AOPEP: variants seen among roughly 807,000 people sequenced by gnomAD.
AOPEP encodes aminopeptidase O (putative), also known as aminopeptidase O.
Under a neutral mutation model 98.1 loss-of-function variants are expected in AOPEP, and 77 were observed. The observed-to-expected ratio is 0.78, with a 90% CI of 0.65 to 0.95. The LOEUF (loss-of-function observed/expected upper bound fraction) is 0.95. Among genes scored for constraint, AOPEP ranks in the 40% least tolerant of loss-of-function variants. The probability of loss-of-function intolerance (pLI) is 0.00; values close to 1 mark genes in which losing one functional copy is unlikely to be tolerated. For synonymous variants in AOPEP, 346 were observed against 365.3 expected (o/e 0.95, Z 0.60); for missense variants, 1,024 against 1,024.7 (o/e 1.00, Z 0.01).
chr9:94,861,654 C>A (rs1052316391), intron 5 of AOPEP, among the ~76,000 whole-genome samples: 2 of 152,168 alleles, frequency 1.3e-5, no homozygotes, highest in African/African-American at 4.8e-5. Context: ...GAAAAAGAGT[C>A]ATTTGGTTTC....
intron 9 of AOPEP, among the ~76,000 whole-genome samples, chr9:94,958,938 GA>G: frequency 6.6e-6 from 1 of 151,426 alleles, no homozygotes; most frequent in East Asian, 1.9e-4. Context: ...TCATAACTAA[GA>G]AACTGTTGCT....
At chr9:94,776,132 C>T (rs893394212) in intron 3 of AOPEP, among the ~76,000 whole-genome samples, 1 of 152,016 alleles carries the variant, frequency 6.6e-6, no homozygotes, top group Non-Finnish European at 1.5e-5. Flanking sequence ...TAACACTTCC[C>T]CAGGCAACCA....
At chr9:94,777,427 A>T (rs1296546206) in intron 3 of AOPEP, among the ~76,000 whole-genome samples, 1 of 149,284 alleles carries the variant, frequency 6.7e-6, no homozygotes, top group Non-Finnish European at 1.5e-5. Flanking sequence ...GCGAGACTCC[A>T]TCTCAAAAAA....
intron 5 of AOPEP, among the ~76,000 whole-genome samples, chr9:94,831,598 G>A (rs1203562404): frequency 6.6e-6 from 1 of 152,100 alleles, no homozygotes; most frequent in Non-Finnish European, 1.5e-5. Flanking sequence ...AAGAATGTCA[G>A]TGGTAGTTGA....
At chr9:94,781,006 C>T (rs1421359338) in intron 3 of AOPEP, among the ~76,000 whole-genome samples, 1 of 152,084 alleles carries the variant, frequency 6.6e-6, no homozygotes, top group Admixed American at 6.5e-5. Context: ...ATCATTTCTC[C>T]TAACTGTTTT....
intron 14 of AOPEP, among the ~76,000 whole-genome samples, chr9:95,066,695 C>T (rs751646226): frequency 2.6e-4 from 40 of 152,102 alleles, no homozygotes; most frequent in Non-Finnish European, 7.3e-5. Flanking sequence ...ATAGGGCGCT[C>T]TCCAGTCTGT....
At chr9:95,060,835 T>A in intron 14 of AOPEP, 25 bp downstream of exon 14, 1 of 1,419,936 alleles carries the variant, frequency 7.0e-7, no homozygotes, top group Non-Finnish European at 1.0e-6. Context: ...TCTCGGAGTT[T>A]AACCAGCAGG....
At chr9:94,818,650 C>A (rs1397427868) in intron 5 of AOPEP, among the ~76,000 whole-genome samples, 1 of 152,206 alleles carries the variant, frequency 6.6e-6, no homozygotes, top group African/African-American at 2.4e-5. Context: ...AGAAACCAGA[C>A]ATTATTTGAT....
chr9:95,022,112 T>C (rs1431368141), intron 13 of AOPEP: 1 of 152,186 alleles, frequency 6.6e-6, no homozygotes, highest in Non-Finnish European at 1.5e-5. Context: ...TTTTTCTTTG[T>C]ATCAAACCTG....
intron 7 of AOPEP, chr9:94,935,462 C>T: frequency 6.6e-6 from 1 of 152,582 alleles, no homozygotes; most frequent in Admixed American, 6.5e-5. Context: ...AGCCAGGGTG[C>T]CGTGACATCA....
At chr9:94,776,239 A>C (rs992371482) in intron 3 of AOPEP, among the ~76,000 whole-genome samples, 7 of 152,082 alleles carry the variant, frequency 4.6e-5, no homozygotes, top group African/African-American at 1.7e-4. Flanking sequence ...TCCCTTTTAG[A>C]ATAAATTTAT....
Position 95,060,703 on chromosome 9 carries a change from G to A in AOPEP, c.2125G>A (p.Asp709Asn). ...TTGGTTTTGTCTTTAGCTTCTTCCA[G>A]ACCAGCTGGTCTTGCTTCTGGAGCA... ...KEEVFEKLLP[D>N]QLVLLLEHLL... is the part of the protein sequence containing the mutation. The change falls in exon 14 of 17, where the codon GAC becomes AAC. Residue 709 changes from aspartate to asparagine, a missense_variant. Physicochemically the swap from Asp to Asn is conservative, Grantham distance 23 (BLOSUM62 1). Coordinates refer to ENST00000375315, the MANE Select transcript of AOPEP (RefSeq NM_001193329.3). The A allele has an allele frequency of 1.2e-6, 2 of 1,613,030 alleles. No individual in the cohort carries two copies. Among genetic ancestry groups the A allele is most frequent in the Non-Finnish European group, 1.7e-6 (2 of 1,179,030 alleles).
At chr9:94,862,846 T>C (rs1276915406) in intron 5 of AOPEP, among the ~76,000 whole-genome samples, 1 of 152,192 alleles carries the variant, frequency 6.6e-6, no homozygotes, top group African/African-American at 2.4e-5. Flanking sequence ...AAGAACTCCG[T>C]CTTGGACTTC....
intron 1 of AOPEP, among the ~76,000 whole-genome samples, chr9:94,729,108 A>G (rs1829933865): frequency 6.6e-6 from 1 of 152,146 alleles, no homozygotes; most frequent in Non-Finnish European, 1.5e-5. Context: ...TGTGATCGTG[A>G]TATTTATTCA....
intron 5 of AOPEP, among the ~76,000 whole-genome samples, chr9:94,815,740 G>A (rs1851574730): frequency 6.6e-6 from 1 of 152,112 alleles, no homozygotes; most frequent in South Asian, 2.1e-4. Flanking sequence ...TGGTCCATGG[G>A]TGAAGCATCT....
chr9:94,924,249 G>C (rs925140002), intron 6 of AOPEP, 74 bp downstream of exon 6: 1 of 1,234,708 alleles, frequency 8.1e-7, no homozygotes, highest in Non-Finnish European at 1.0e-6. Flanking sequence ...TCACCCAACA[G>C]CTATGGACTG....
the AOPEP span, among the ~76,000 whole-genome samples, chr9:95,131,443 G>C: frequency 1.3e-5 from 2 of 152,172 alleles, no homozygotes; most frequent in Non-Finnish European, 2.9e-5. Flanking sequence ...CTGGCCACAA[G>C]GTCTGCATCC....
intron 11 of AOPEP, among the ~76,000 whole-genome samples, chr9:94,993,271 ATATT>A (rs557741683): frequency 8.5e-4 from 130 of 152,318 alleles, no homozygotes; most frequent in African/African-American, 3.0e-3. Context: ...TAGAGATAAA[ATATT>A]TATGCCCGTT....
chr9:94,979,323 T>C (rs2060035748), intron 10 of AOPEP, 44 bp from the exon 11 acceptor site: 1 of 1,353,378 alleles, frequency 7.4e-7, no homozygotes, highest in African/African-American at 1.4e-5. Flanking sequence ...ATAAGCGCTC[T>C]GTAACTTTTT....
Sources: gnomAD v4.1 joint callset for allele counts (sites outside exome capture counted in the v4.1 genomes callset) on GRCh38, gnomAD v4.1.1 for gene constraint, MANE v1.5 for transcripts, NCBI Gene and HGNC (gene_info 2026-07-23, HGNC 2026-07-21) for gene names.